SLC15A2: variants seen among roughly 807,000 people sequenced by gnomAD.
SLC15A2 encodes the protein kidney H(+)/peptide cotransporter.
Under a neutral mutation model 95.5 loss-of-function variants are expected in SLC15A2, and 77 were observed. The observed-to-expected ratio is 0.81, with a 90% CI of 0.67 to 0.97. The LOEUF is 0.97. Among genes scored for constraint, SLC15A2 ranks in the 50% least tolerant of loss-of-function variants. SLC15A2 has a pLI of 0.00. For synonymous variants in SLC15A2, 306 were observed against 306.9 expected (o/e 1.00, Z 0.03); for missense variants, 893 against 874.4 (o/e 1.02, Z -0.27).
rs930883393 is a variant in SLC15A2 at position 121,941,410 on chromosome 3, G to T, written c.*403G>T. On this transcript the variant is annotated 3_prime_UTR_variant, in exon 22 of 22. Transcript: ENST00000489711. ...AGAGGCAAAATTGCAGAATAACAAA[G>T]AAATGGTATTTCAAGTTTTTTTTTT... The T allele has an allele frequency of 2.1e-4, 33 of 156,098 alleles. 1 individual carries two copies. The highest frequency in any genetic ancestry group is 1.9e-3 in the Admixed American group (29 of 15,428). 9.7% of individuals were successfully genotyped at this position (156,098 alleles called of 1,614,324 possible). A position where few individuals can be genotyped will look rare whatever the true frequency, so the allele number is the denominator to read the frequency against.
chr3:121,915,550 G>A (rs964455356), intron 6 of SLC15A2, 66 bp from the exon 7 acceptor site: 10 of 1,261,984 alleles, frequency 7.9e-6, no homozygotes, highest in Non-Finnish European at 1.2e-5. Flanking sequence ...ACCTGAGCTT[G>A]TAGAATAAAA....
At chr3:121,939,601 G>C in intron 20 of SLC15A2, 106 bp downstream of exon 20, 1 of 985,010 alleles carries the variant, frequency 1.0e-6, no homozygotes, top group South Asian at 2.3e-5. Flanking sequence ...TTTGGCCTTG[G>C]GTACCTTATT....
In SLC15A2 at chr3:121,927,838, A is replaced by G; in HGVS notation, c.1205A>G (p.Asn402Ser). The part of the protein sequence containing the change: ...AVAAAVEIKI[N>S]EMAPAQPGPQ... ...GCGGCAGCTGTAGAGATAAAAATAA[A>G]TGTGAGTTCAGTAATTCTTAAGCTC... The change falls in exon 14 of 22, where the codon AAT (asparagine) becomes AGT (serine). Residue 402 changes from asparagine to serine, a missense_variant and splice_region_variant. Asn to Ser is a conservative substitution (Grantham distance 46). Transcript: ENST00000489711. The G allele has an allele frequency of 6.2e-7, 1 of 1,609,750 alleles. No homozygotes were observed. Among genetic ancestry groups the G allele is most frequent in the Non-Finnish European group, 8.5e-7 (1 of 1,175,984 alleles).
At chr3:121,924,866 A>ATC in intron 12 of SLC15A2, 79 bp from the exon 13 acceptor site, 1 of 1,010,022 alleles carries the variant, frequency 9.9e-7, no homozygotes, top group Non-Finnish European at 1.6e-6. Flanking sequence ...GACAGAGTGT[A>ATC]AACAAGCAAA....
At position 121,896,481 on chromosome 3, in the gene SLC15A2, T is replaced by TA. The variant is rs1709415192; in HGVS notation, c.182dup (p.Tyr61Ter). The stretch of plus-strand genomic sequence containing the variant: ...TGAATTCTGCGAGCGCTTTTCCTAT[T>TA]ATGGAATGAAAGGTAATTTTGTGTC... ...VNEFCERFSY[Y>*]GMKAVLILYF... The change falls in exon 2 of 22, where the codon TAT becomes TAAT. Residue 61 changes from tyrosine to a stop codon, truncating the protein, a stop_gained and frameshift_variant. Coordinates refer to ENST00000489711, the MANE Select transcript of SLC15A2 (RefSeq NM_021082.4). LOFTEE classifies it high-confidence loss of function. 6.2e-7 allele frequency: 1 copy of TA among 1,613,804 alleles called. No individual in the cohort carries two copies. Among genetic ancestry groups the TA allele is most frequent in the Non-Finnish European group, 8.5e-7 (1 of 1,179,822 alleles).
At chr3:121,911,967 G>GT (rs539930937) in intron 4 of SLC15A2, among the ~76,000 whole-genome samples, 37 of 151,840 alleles carry the variant, frequency 2.4e-4, no homozygotes, top group Middle Eastern at 6.8e-3. Context: ...CTTTACCAGG[G>GT]TTAAAAAAAA....
At chr3:121,910,192 CTTTTTTTTTTTT>C (rs35492489) in intron 3 of SLC15A2, among the ~76,000 whole-genome samples, 1 of 126,990 alleles carries the variant, frequency 7.9e-6, no homozygotes, top group Non-Finnish European at 1.6e-5. Context: ...AGTCACCTAA[CTTTTTTTTTTTT>C]TTTTTTTTTG....
At chr3:121,931,794 C>A in intron 19 of SLC15A2, 59 bp downstream of exon 19, 3 of 1,006,514 alleles carry the variant, frequency 3.0e-6, no homozygotes, top group Non-Finnish European at 4.7e-6. Flanking sequence ...CTCCTGAGAT[C>A]CTCTAGGCAG....
chr3:121,912,604 T>G (rs2689273), intron 4 of SLC15A2, among the ~76,000 whole-genome samples: 67,786 of 151,954 alleles, frequency 0.45, 15,642 homozygotes, highest in East Asian at 0.69. Context: ...CTATTAATTA[T>G]GATGAATTTG....
intron 17 of SLC15A2, 55 bp downstream of exon 17, chr3:121,929,403 T>C (rs1710186832): frequency 6.4e-7 from 1 of 1,556,700 alleles, no homozygotes; most frequent in African/African-American, 1.4e-5. Context: ...CTTGGATCTC[T>C]TCTAATCTTT....
Position 121,922,823 on chromosome 3 carries a change from C to A in SLC15A2, c.829C>A (p.Arg277=). Residue 277 remains arginine (R), a synonymous_variant, in exon 9 of 22, where the codon CGA becomes AGA. Coordinates refer to ENST00000489711, the MANE Select transcript of SLC15A2 (RefSeq NM_021082.4). The stretch of plus-strand genomic sequence containing the variant: ...GAACCGTTCTGGAGACATTCCAAAG[C>A]GACAGCACTGGCTAGACTGGGCGGC... ...FKNRSGDIPK[R]QHWLDWAAEK... 1.2e-6 allele frequency: 2 copies of A among 1,613,932 alleles called. No homozygotes were observed. Among genetic ancestry groups the A allele is most frequent in the Non-Finnish European group, 1.7e-6 (2 of 1,179,878 alleles).
chr3:121,926,222 A>C (rs1710119180), intron 13 of SLC15A2, among the ~76,000 whole-genome samples: 1 of 152,144 alleles, frequency 6.6e-6, no homozygotes, highest in Non-Finnish European at 1.5e-5. Context: ...TACCCACTCA[A>C]ATCTCATGTT....
At chr3:121,897,300 C>T (rs1374936279) in intron 2 of SLC15A2, 88 bp from the exon 3 acceptor site, 42 of 1,504,756 alleles carry the variant, frequency 2.8e-5, no homozygotes, top group Non-Finnish European at 3.6e-5. Flanking sequence ...ATTATAAAGA[C>T]CAGAGATTAA....
At position 121,915,263 on chromosome 3, in the gene SLC15A2, C is replaced by G; in HGVS notation, c.565C>G (p.Leu189Val). 1 of 1,613,870 alleles carries G rather than the reference C, an allele frequency of 6.2e-7. No individual in the cohort carries two copies. The highest frequency in any genetic ancestry group is 8.5e-7 in the Non-Finnish European group (1 of 1,179,818). ...GACTAGATACTTCTCAGTCTTCTAC[C>G]TGTCCATCAATGCAGGGAGCTTGAT... is the stretch of plus-strand genomic sequence containing the variant. Reference protein sequence around the residue: ...ERTRYFSVFYLSINAGSLIST... With the variant: ...ERTRYFSVFYVSINAGSLIST... The change falls in exon 6 of 22, where the codon CTG becomes GTG. Residue 189 changes from leucine (L) to valine (V), a missense_variant. Coordinates refer to ENST00000489711, the MANE Select transcript of SLC15A2 (RefSeq NM_021082.4).
intron 17 of SLC15A2, among the ~76,000 whole-genome samples, chr3:121,929,658 G>C (rs1710194011): frequency 6.6e-6 from 1 of 152,166 alleles, no homozygotes; most frequent in African/African-American, 2.4e-5. Context: ...GTGATCGCCA[G>C]AGAGAAATTT....
chr3:121,921,112 G>A (rs1167008627), intron 7 of SLC15A2, among the ~76,000 whole-genome samples: 1 of 152,204 alleles, frequency 6.6e-6, no homozygotes, highest in Non-Finnish European at 1.5e-5. Flanking sequence ...TGTGGTTAAA[G>A]GACAGAGATA....
At chr3:121,912,444 G>T (rs1369127973) in intron 4 of SLC15A2, among the ~76,000 whole-genome samples, 3 of 152,116 alleles carry the variant, frequency 2.0e-5, no homozygotes, top group Non-Finnish European at 4.4e-5. Context: ...ATGTTGGCCA[G>T]GCTGGTCTTG....
chr3:121,927,915 A>G (rs538068634), intron 14 of SLC15A2, 76 bp downstream of exon 14: 2 of 1,078,420 alleles, frequency 1.9e-6, no homozygotes, highest in Admixed American at 1.8e-5. Flanking sequence ...TTGTTCAGTC[A>G]TGATTCCCTG....
intron 17 of SLC15A2, 109 bp from the exon 18 acceptor site, chr3:121,930,731 G>A (rs1278746306): frequency 1.6e-6 from 1 of 640,286 alleles, no homozygotes; most frequent in Admixed American, 2.8e-5. Context: ...CACTATCCTA[G>A]GCACCTGGGC....
Sources: gnomAD v4.1 joint callset for allele counts (sites outside exome capture counted in the v4.1 genomes callset) on GRCh38, gnomAD v4.1.1 for gene constraint, MANE v1.5 for transcripts, NCBI Gene and HGNC (gene_info 2026-07-23, HGNC 2026-07-21) for gene names.